The following SPTBN5 variants were observed in gnomAD, a reference collection of about 807,000 sequenced individuals.
SPTBN5 encodes the protein spectrin beta, non-erythrocytic 5.
In SPTBN5, 513 loss-of-function variants were observed where a neutral mutation model predicts 477.6. That is an observed-to-expected ratio of 1.07 (90% confidence interval 1.00 to 1.16). The LOEUF (loss-of-function observed/expected upper bound fraction) is 1.16, where lower values mean the gene tolerates loss of function less well. Ranked by LOEUF, SPTBN5 falls within the 50% of genes most tolerant of loss-of-function variation. The probability of loss-of-function intolerance (pLI) is 0.00; values close to 1 mark genes in which losing one functional copy is unlikely to be tolerated. For missense variants in SPTBN5, 5,062 were observed against 4,731.8 expected (o/e 1.07, Z -2.05); for synonymous variants, 2,169 against 2,011.7 (o/e 1.08, Z -2.09).
At chr15:41,882,237 G>GCCCCCC in intron 11 of SPTBN5, 32 bp downstream of exon 11, 1 of 357,962 alleles carries the variant, frequency 2.8e-6, no homozygotes, top group Non-Finnish European at 3.8e-6. Context: ...GCCGGGCCCC[G>GCCCCCC]CCCCCACCCC....
chr15:41,861,696 G>C (rs779019862), intron 45 of SPTBN5, 39 bp downstream of exon 45: 10 of 1,520,294 alleles, frequency 6.6e-6, no homozygotes, highest in Admixed American at 2.0e-5. Flanking sequence ...GCCCTGTTCG[G>C]GGGGGCAAGA....
chr15:41,850,311 C>T (rs2065710057), intron 66 of SPTBN5: 2 of 318,924 alleles, frequency 6.3e-6, no homozygotes, highest in Admixed American at 4.2e-5. Flanking sequence ...GCTAGGATCC[C>T]AGACACATTC....
Position 41,855,089 on chromosome 15 carries a change from G to A in SPTBN5, c.9424-113C>T, listed in dbSNP as rs1595445364. 7.0e-6 allele frequency: 10 copies of A among 1,426,868 alleles called. No homozygotes were observed. In the East Asian group the frequency reaches 2.1e-4, roughly 30 times the overall value. 88.4% of individuals were successfully genotyped at this position (1,426,868 alleles called of 1,614,324 possible). ...TCTGAAATCCCTCAGCCCAGGTTCT[G>A]GAACCATCGGGATCCTCCCTAGGAC... On this transcript the variant is annotated intron_variant, in intron 55 of 67. Coordinates refer to ENST00000320955, the MANE Select transcript of SPTBN5 (RefSeq NM_016642.4).
intron 4 of SPTBN5, among the ~76,000 whole-genome samples, chr15:41,889,060 C>T (rs552145562): frequency 3.2e-4 from 48 of 152,330 alleles, no homozygotes; most frequent in South Asian, 6.2e-4. Context: ...CAGACAGAGA[C>T]GGTGCTGGTC....
chr15:41,851,379 G>T lies in SPTBN5; in HGVS notation c.10657-10C>A. 6.5e-7 allele frequency: 1 copy of T among 1,549,862 alleles called. No individual in the cohort carries two copies. Among genetic ancestry groups the T allele is most frequent in the Non-Finnish European group, 8.7e-7 (1 of 1,146,242 alleles). ...AGGAGCTCGAGCTAGGCTGTGGAGAGGAGGCGGGAAGGTCGCATGAGCCAC... is the reference window on the plus strand; with the variant it reads ...AGGAGCTCGAGCTAGGCTGTGGAGATGAGGCGGGAAGGTCGCATGAGCCAC... On this transcript the variant is annotated splice_polypyrimidine_tract_variant and intron_variant, in intron 63 of 67. Transcript: ENST00000320955.
chr15:41,848,245 G>A lies in SPTBN5; in HGVS notation c.*371C>T, dbSNP rs531037972. 13 of 495,310 alleles carry A rather than the reference G, an allele frequency of 2.6e-5. No individual in the cohort carries two copies. Among genetic ancestry groups the A allele is most frequent in the Middle Eastern group, 5.6e-4 (1 of 1,796 alleles). 30.7% of individuals were successfully genotyped at this position (495,310 alleles called of 1,614,324 possible). A position where few individuals can be genotyped will look rare whatever the true frequency, so the allele number is the denominator to read the frequency against. ...GGGCTGGTACAGAGCTCGCTCATCA[G>A]TGTTCTTCCTCCGAAGAGCACATTC... On this transcript the variant is annotated 3_prime_UTR_variant, in exon 68 of 68. Coordinates refer to ENST00000320955, the MANE Select transcript of SPTBN5 (RefSeq NM_016642.4).
Position 41,885,773 on chromosome 15 carries a change from C to A in SPTBN5, c.1482G>T (p.Arg494=). 6.4e-7 allele frequency: 1 copy of A among 1,557,682 alleles called. No homozygotes were observed. The highest frequency in any genetic ancestry group is 8.7e-7 in the Non-Finnish European group (1 of 1,150,776). Residue 494 remains arginine (R), a synonymous_variant, in exon 7 of 68, where the codon CGG becomes CGT. Coordinates refer to ENST00000320955, the MANE Select transcript of SPTBN5 (RefSeq NM_016642.4). ...CTGCCCAGCTGTGGTACTGCTCCTG[C>A]CGGAGGATGTCTGCGATCTCAGCCA... The part of the protein sequence containing the change: ...QALAEIADIL[R]QEQYHSWADV...
At chr15:41,868,706 C>G (rs187769014) in intron 32 of SPTBN5, 105 bp from the exon 33 acceptor site, 4 of 1,184,390 alleles carry the variant, frequency 3.4e-6, no homozygotes, top group African/African-American at 3.0e-5. Flanking sequence ...TCACACAGCC[C>G]GAGCCGACCT....
intron 20 of SPTBN5, 87 bp downstream of exon 20, chr15:41,876,461 A>G (rs2066731122): frequency 7.3e-7 from 1 of 1,374,074 alleles, no homozygotes; most frequent in South Asian, 1.2e-5. Flanking sequence ...CGCGTGAGGA[A>G]AGTGCTCTGT....
In SPTBN5 at chr15:41,856,918, G is replaced by C; in HGVS notation, c.8743C>G (p.Leu2915Val). The C allele has an allele frequency of 6.4e-7, 1 of 1,558,942 alleles. No individual in the cohort carries two copies. Among genetic ancestry groups the C allele is most frequent in the African/African-American group, 1.4e-5 (1 of 73,502 alleles). The stretch of plus-strand genomic sequence containing the variant: ...TGGCCATAGTCCTGGGCAGCGGCCA[G>C]AGGCAGCTTCTCCTGCACCCAGGCC... ...EMAWVQEKLPLAAAQDYGQSL... is the reference protein window; with the variant it reads ...EMAWVQEKLPVAAAQDYGQSL... Residue 2915 changes from leucine to valine, a missense_variant, in exon 52 of 68, where the codon CTG (leucine) becomes GTG (valine). Coordinates refer to ENST00000320955, the MANE Select transcript of SPTBN5 (RefSeq NM_016642.4).
rs1184294228 is a variant in SPTBN5 at position 41,874,379 on chromosome 15, A to G, written c.4602T>C (p.Ser1534=). 6.2e-7 allele frequency: 1 copy of G among 1,613,858 alleles called. No individual in the cohort carries two copies. The highest frequency in any genetic ancestry group is 1.3e-5 in the African/African-American group (1 of 75,068). Residue 1534 remains serine (S), a synonymous_variant, in exon 24 of 68, where the codon TCT becomes TCC. Transcript: ENST00000320955. ...QFCHLSNMEL[S]WVAEHMPHGS... ...CATGGGGCATGTGCTCGGCTACCCA[A>G]GAGAGCTCCATGTTGCTCAGGTGGC...
intron 55 of SPTBN5, 77 bp from the exon 56 acceptor site, chr15:41,855,053 A>T (rs1225407609): frequency 6.8e-7 from 1 of 1,467,924 alleles, no homozygotes; most frequent in Non-Finnish European, 9.1e-7. Context: ...AGCTCAGCAG[A>T]CTCTGATGGC....
rs553490169 is a variant in SPTBN5 at position 41,876,658 on chromosome 15, G to GT, written c.3852-12_3852-11insA. ...AGCTGCTCTCTGACCCTGGAGGGCG[G>GT]GGGGGGGTTGGAGGAGGGCATGGGA... On this transcript the variant is annotated splice_polypyrimidine_tract_variant and intron_variant, in intron 19 of 67. Coordinates refer to ENST00000320955, the MANE Select transcript of SPTBN5 (RefSeq NM_016642.4). 3 of 1,458,154 alleles carry GT rather than the reference G, an allele frequency of 2.1e-6. No homozygotes were observed. The highest frequency in any genetic ancestry group is 2.3e-5 in the East Asian group (1 of 42,854). The allele number at this position is 1,458,154 out of a possible 1,614,324, so 90.3% of individuals were successfully genotyped here. A position where few individuals can be genotyped will look rare whatever the true frequency, so the allele number is the denominator to read the frequency against.
chr15:41,870,524 G>A lies in SPTBN5; in HGVS notation c.5484C>T (p.Ala1828=). ...CGGTGTCTCGGAGCGCGTGGCCTCG[G>A]GCCTGGGTCAGCTCCCACAGCTCCG... ...AWSELWELTQ[A]RGHALRDTET... is the part of the protein sequence containing the mutation. The change falls in exon 30 of 68, where the codon GCC becomes GCT. Residue 1828 remains alanine, a synonymous_variant. Coordinates refer to ENST00000320955, the MANE Select transcript of SPTBN5 (RefSeq NM_016642.4). 2 of 1,611,720 alleles carry A rather than the reference G, an allele frequency of 1.2e-6. No homozygotes were observed. Among genetic ancestry groups the A allele is most frequent in the Non-Finnish European group, 1.7e-6 (2 of 1,179,772 alleles).
intron 12 of SPTBN5, 87 bp from the exon 13 acceptor site, chr15:41,881,321 G>C (rs992415096): frequency 9.0e-7 from 1 of 1,111,962 alleles, no homozygotes; most frequent in Non-Finnish European, 1.3e-6. Context: ...CGTGCCCTGA[G>C]ACCTGGAGGC....
intron 63 of SPTBN5, among the ~76,000 whole-genome samples, 198 bp downstream of exon 63, chr15:41,851,581 T>TGGC (rs138547502): frequency 2.0e-4 from 24 of 120,060 alleles, no homozygotes; most frequent in South Asian, 5.8e-4. Context: ...CAGCACCTCC[T>TGGC]GGTGGGGGTG....
chr15:41,874,051 A>C lies in SPTBN5; in HGVS notation c.4690-6T>G, dbSNP rs764847558. 6.3e-7 allele frequency: 1 copy of C among 1,588,346 alleles called. No individual in the cohort carries two copies. Among genetic ancestry groups the C allele is most frequent in the Non-Finnish European group, 8.5e-7 (1 of 1,174,314 alleles). Reference sequence around the variant, plus strand: ...TTTACCTCCACCTGGAGCTCCTGCCACAGAGTGGCTTGAGAGGCTGCTGCT... The same window carrying C: ...TTTACCTCCACCTGGAGCTCCTGCCCCAGAGTGGCTTGAGAGGCTGCTGCT... On this transcript the variant is annotated splice_region_variant and splice_polypyrimidine_tract_variant and intron_variant, in intron 24 of 67. Coordinates refer to ENST00000320955, the MANE Select transcript of SPTBN5 (RefSeq NM_016642.4).
intron 51 of SPTBN5, 98 bp from the exon 52 acceptor site, chr15:41,857,137 T>A: frequency 6.6e-7 from 1 of 1,511,340 alleles, no homozygotes; most frequent in African/African-American, 1.4e-5. Flanking sequence ...GCCCTCACCA[T>A]GGGCAAGGGG....
In SPTBN5 at chr15:41,887,372, C is replaced by G. The variant is rs1294207007; in HGVS notation, c.729G>C (p.Leu243=). ...RPLHNLAFAF[L]VAEQELGIAQ... ...CAATGCCCAGCTCCTGCTCAGCCAC[C>G]AGGAAAGCAAAAGCAAGGTTGTGCA... The change falls in exon 6 of 68, where the codon CTG becomes CTC. Residue 243 remains leucine (L), a synonymous_variant. Transcript: ENST00000320955. The G allele has an allele frequency of 6.4e-7, 1 of 1,553,776 alleles. No homozygotes were observed. Among genetic ancestry groups the G allele is most frequent in the Non-Finnish European group, 8.7e-7 (1 of 1,148,566 alleles).
Sources: gnomAD v4.1 joint callset for allele counts (sites outside exome capture counted in the v4.1 genomes callset) on GRCh38, gnomAD v4.1.1 for gene constraint, MANE v1.5 for transcripts, NCBI Gene and HGNC (gene_info 2026-07-23, HGNC 2026-07-21) for gene names.